The following DLG2 variants were observed in gnomAD, a reference collection of about 807,000 sequenced individuals.
The protein encoded by DLG2 is disks large homolog 2.
Under a neutral mutation model 132.5 loss-of-function variants are expected in DLG2, and 45 were observed. The observed-to-expected ratio is 0.34, with a 90% CI of 0.27 to 0.44. DLG2 has a LOEUF of 0.44. DLG2 is among the 20% of genes least tolerant of loss of function. The pLI is 1.00. For missense variants in DLG2, 1,045 were observed against 1,196.9 expected (o/e 0.87, Z 1.87); for synonymous variants, 424 against 419.6 (o/e 1.01, Z -0.13).
intron 6 of DLG2, among the ~76,000 whole-genome samples, chr11:84,894,157 G>T (rs2089859979): frequency 1.3e-5 from 2 of 152,218 alleles, no homozygotes; most frequent in African/African-American, 4.8e-5. Flanking sequence ...CCTAGGTAAA[G>T]CTTCTTGGTT....
At chr11:83,931,034 C>A (rs1034300619) in intron 14 of DLG2, among the ~76,000 whole-genome samples, 5 of 152,144 alleles carry the variant, frequency 3.3e-5, no homozygotes, top group African/African-American at 9.7e-5. Context: ...AAGCTAGGAT[C>A]ATTTTTTTCT....
chr11:85,120,563 A>G (rs1007940816), intron 5 of DLG2, among the ~76,000 whole-genome samples: 2 of 152,014 alleles, frequency 1.3e-5, no homozygotes, highest in African/African-American at 4.8e-5. Flanking sequence ...TATCCTTGTA[A>G]TGTCCTATTT....
chr11:85,589,005 A>G (rs912045670), intron 3 of DLG2, among the ~76,000 whole-genome samples: 7 of 152,090 alleles, frequency 4.6e-5, no homozygotes, highest in Admixed American at 2.6e-4. Flanking sequence ...GTCTACAAAC[A>G]GTCCTGTGAT....
At chr11:84,187,723 T>G (rs1457264746) in intron 8 of DLG2, among the ~76,000 whole-genome samples, 1 of 152,074 alleles carries the variant, frequency 6.6e-6, no homozygotes, top group Non-Finnish European at 1.5e-5. Context: ...TTACACCTCT[T>G]GTCTGTTAAA....
intron 7 of DLG2, among the ~76,000 whole-genome samples, chr11:84,449,631 A>G (rs1391374425): frequency 6.6e-6 from 1 of 151,880 alleles, no homozygotes; most frequent in African/African-American, 2.4e-5. Flanking sequence ...AGTACTTAAC[A>G]TGCATTTCCT....
At chr11:84,489,347 A>G (rs904820951) in intron 7 of DLG2, among the ~76,000 whole-genome samples, 3 of 151,994 alleles carry the variant, frequency 2.0e-5, no homozygotes, top group Admixed American at 1.3e-4. Flanking sequence ...CTGCTTTTTG[A>G]CCATTATCAC....
intron 19 of DLG2, among the ~76,000 whole-genome samples, chr11:83,628,143 A>T (rs2062929769): frequency 6.6e-6 from 1 of 151,892 alleles, no homozygotes; most frequent in Non-Finnish European, 1.5e-5. Flanking sequence ...GGTTGCAAAA[A>T]TTTTCTCTCA....
Position 83,845,470 on chromosome 11 carries a change from A to G in DLG2, c.1566-11700T>C, listed in dbSNP as rs150246418. 2.6e-5 allele frequency among the ~76,000 whole-genome samples: 4 copies of G among 152,346 alleles called. No homozygotes were observed. The East Asian group carries it at 7.7e-4, about 29-fold the overall frequency. On this transcript the variant is annotated intron_variant, in intron 16 of 27. Transcript: ENST00000376104. ...AGTTAATTTGGTCAGTTAGCCAAAT[A>G]ATCAGTCAAACAGATTATTGGGCAT...
intron 11 of DLG2, among the ~76,000 whole-genome samples, chr11:83,994,582 G>A (rs771086943): frequency 6.6e-6 from 1 of 151,978 alleles, no homozygotes; most frequent in Non-Finnish European, 1.5e-5. Context: ...AAAAATCACT[G>A]GATCTTTTTT....
At chr11:84,422,976 G>A (rs1365425) in intron 7 of DLG2, among the ~76,000 whole-genome samples, 37,416 of 152,006 alleles carry the variant, frequency 0.25, 8,133 homozygotes, top group African/African-American at 0.58. Context: ...TATCAAAGTA[G>A]TAATGGAAGT....
intron 19 of DLG2, among the ~76,000 whole-genome samples, chr11:83,553,184 T>C (rs529211631): frequency 6.6e-6 from 1 of 152,306 alleles, no homozygotes; most frequent in Non-Finnish European, 1.5e-5. Flanking sequence ...TCTTGTTTGG[T>C]CTCTTGAAGT....
At chr11:85,008,569 ACT>A (rs1050184632) in intron 6 of DLG2, among the ~76,000 whole-genome samples, 2 of 152,152 alleles carry the variant, frequency 1.3e-5, no homozygotes, top group African/African-American at 2.4e-5. Context: ...GTATATTTTA[ACT>A]CAATTAAAAA....
chr11:83,619,667 T>C (rs34158556), intron 19 of DLG2, among the ~76,000 whole-genome samples: 10,019 of 151,932 alleles, frequency 0.066, 436 homozygotes, highest in South Asian at 0.13. Flanking sequence ...GTTGTGGAGG[T>C]GGAAGTATCA....
chr11:84,297,629 C>T (rs544038422), intron 7 of DLG2, among the ~76,000 whole-genome samples: 4 of 152,208 alleles, frequency 2.6e-5, no homozygotes, highest in African/African-American at 7.2e-5. Flanking sequence ...CTTGCCCCTC[C>T]CCTCAAACTC....
rs1188456228 is a variant in DLG2 at position 83,484,213 on chromosome 11, G to A, written c.2209C>T (p.Arg737Cys). ...IDSKGSFNDK[R>C]KKSFIFSRKF... Reference sequence around the variant, plus strand: ...CGTGAAAAGATGAAGCTCTTTTTACGCTTGTCATTGAATGACTGTGAAGGA... The same window carrying A: ...CGTGAAAAGATGAAGCTCTTTTTACACTTGTCATTGAATGACTGTGAAGGA... Residue 737 changes from arginine to cysteine, a missense_variant, in exon 22 of 28, where the codon CGT becomes TGT. This residue lies in a region of DLG2 where 398 missense variants were observed against 543.6 expected (regional missense o/e 0.73). Transcript: ENST00000376104. 4 of 1,612,796 alleles carry A rather than the reference G, an allele frequency of 2.5e-6. No individual in the cohort carries two copies. The highest frequency in any genetic ancestry group is 1.1e-5 in the South Asian group (1 of 91,034).
chr11:83,963,155 A>T, intron 13 of DLG2, 132 bp from the exon 14 acceptor site: 1 of 927,612 alleles, frequency 1.1e-6, no homozygotes, highest in Non-Finnish European at 1.6e-6. Context: ...GTCCTCCCAG[A>T]GGGGGGAGTT....
At chr11:83,705,853 C>T (rs1411938092) in intron 18 of DLG2, among the ~76,000 whole-genome samples, 2 of 152,162 alleles carry the variant, frequency 1.3e-5, no homozygotes, top group Non-Finnish European at 2.9e-5. Flanking sequence ...TAGAACTATG[C>T]TTGGAAGGCA....
At chr11:83,511,168 T>A (rs1206707993) in intron 21 of DLG2, among the ~76,000 whole-genome samples, 2 of 151,910 alleles carry the variant, frequency 1.3e-5, no homozygotes, top group Non-Finnish European at 2.9e-5. Context: ...CTTATTTCTG[T>A]ACTAGACACT....
chr11:84,648,777 G>A (rs2099677992), intron 6 of DLG2, among the ~76,000 whole-genome samples: 1 of 149,900 alleles, frequency 6.7e-6, no homozygotes, highest in Non-Finnish European at 1.5e-5. Context: ...ACATGTGTGT[G>A]TATATATATA....
Sources: gnomAD v4.1 joint callset for allele counts (sites outside exome capture counted in the v4.1 genomes callset) on GRCh38, gnomAD v4.1.1 for gene constraint, gnomAD v4.1.1 regional missense constraint, MANE v1.5 for transcripts, NCBI Gene and HGNC (gene_info 2026-07-23, HGNC 2026-07-21) for gene names.